The following TTC17 variants were observed in gnomAD, a reference collection of about 807,000 sequenced individuals.
TTC17 encodes the protein tetratricopeptide repeat protein 17.
TTC17 carries 58 observed loss-of-function variants against 143.8 expected under a neutral mutation model. The observed-to-expected ratio is 0.40, with a 90% CI of 0.33 to 0.50. TTC17 has a LOEUF of 0.50. Among genes scored for constraint, TTC17 ranks in the 20% least tolerant of loss-of-function variants. The probability of loss-of-function intolerance (pLI) is 0.49; values close to 1 mark genes in which losing one functional copy is unlikely to be tolerated. For missense variants in TTC17, 1,273 were observed against 1,392.5 expected (o/e 0.91, Z 1.37); for synonymous variants, 501 against 497.8 (o/e 1.01, Z -0.09).
At chr11:43,362,462 T>A (rs1159160903) in intron 1 of TTC17, among the ~76,000 whole-genome samples, 1 of 152,154 alleles carries the variant, frequency 6.6e-6, no homozygotes, top group African/African-American at 2.4e-5. Context: ...GCGTATGTAT[T>A]GGAAATGGTA....
chr11:43,455,161 T>C (rs1425624516), intron 21 of TTC17, among the ~76,000 whole-genome samples: 2 of 151,552 alleles, frequency 1.3e-5, no homozygotes, highest in Non-Finnish European at 3.0e-5. Flanking sequence ...TTTAAACAGC[T>C]GAGTCAAAGA....
intron 1 of TTC17, among the ~76,000 whole-genome samples, chr11:43,377,616 A>G (rs1245352440): frequency 6.6e-6 from 1 of 151,444 alleles, no homozygotes. Context: ...CTGTCAGTGA[A>G]CTCCCTTCCT....
intron 21 of TTC17, among the ~76,000 whole-genome samples, chr11:43,487,823 C>T (rs1948406864): frequency 6.6e-6 from 1 of 152,224 alleles, no homozygotes. Context: ...AGACCTCTCT[C>T]TTCGGCTTGC....
In TTC17 at chr11:43,458,600, G is replaced by A. The variant is rs558205151; in HGVS notation, c.3030+7335G>A. On this transcript the variant is annotated intron_variant, in intron 21 of 23. Transcript: ENST00000039989. ...TCTCATTTGCCTGAGTCTTCCTACT[G>A]GCTCACATTGCTTAAATTCCTCCGA... is the stretch of plus-strand genomic sequence containing the variant. Among the ~76,000 whole-genome samples, 9 of 152,194 alleles carry A rather than the reference G, an allele frequency of 5.9e-5. No homozygotes were observed. The South Asian group carries it at 1.9e-3, about 32-fold the overall frequency.
At chr11:43,484,759 A>T (rs1948350668) in intron 21 of TTC17, among the ~76,000 whole-genome samples, 1 of 152,320 alleles carries the variant, frequency 6.6e-6, no homozygotes, top group East Asian at 1.9e-4. Flanking sequence ...GGAAGGCCAG[A>T]AATAGACTCG....
At chr11:43,413,876 A>G (rs990605392) in intron 15 of TTC17, among the ~76,000 whole-genome samples, 4 of 152,160 alleles carry the variant, frequency 2.6e-5, no homozygotes, top group Non-Finnish European at 5.9e-5. Context: ...ATCCATTTGG[A>G]AGACTATTTG....
intron 1 of TTC17, among the ~76,000 whole-genome samples, chr11:43,375,542 A>G (rs1165985572): frequency 2.0e-4 from 30 of 152,198 alleles, no homozygotes; most frequent in Admixed American, 2.0e-3. Context: ...AAAATTTTAA[A>G]TGAGAATGGC....
rs1947979594 is a variant in TTC17, at chr11:43,466,670, C to T, written c.3030+15405C>T. ...TTATTGTGAAGCATACAGGTCTTGG[C>T]ATCTTGTCCATGGCAAATGCTGCAC... On this transcript the variant is annotated intron_variant, in intron 21 of 23. Transcript: ENST00000039989. The T allele has an allele frequency of 2.2e-5, 8 of 363,040 alleles. No individual in the cohort carries two copies. The Admixed American group carries it at 2.3e-4, about 11-fold the overall frequency. 22.5% of individuals were successfully genotyped at this position (363,040 alleles called of 1,614,324 possible).
intron 1 of TTC17, among the ~76,000 whole-genome samples, chr11:43,359,588 C>G (rs1417906689): frequency 1.3e-5 from 2 of 152,186 alleles, no homozygotes; most frequent in South Asian, 4.1e-4. Flanking sequence ...TGCTGCTCCC[C>G]TAGTCTCGTC....
chr11:43,443,688 C>T, intron 17 of TTC17, 104 bp downstream of exon 17: 1 of 1,404,396 alleles, frequency 7.1e-7, no homozygotes, highest in Admixed American at 2.3e-5. Flanking sequence ...CACTACTTGG[C>T]TATGCACTCC....
rs548397225 is a variant in TTC17 at position 43,466,115 on chromosome 11, A to G, written c.3030+14850A>G. ...AATAACCCAATTAAAAAATATACAA[A>G]GGACTTGAATGGTCATTTCTCCAAA... is the stretch of plus-strand genomic sequence containing the variant. On this transcript the variant is annotated intron_variant, in intron 21 of 23. Transcript: ENST00000039989. Among the ~76,000 whole-genome samples the G allele has an allele frequency of 3.3e-5, 5 of 152,352 alleles. No homozygotes were observed. The South Asian group carries it at 1.0e-3, about 32-fold the overall frequency.
At chr11:43,424,227 G>T (rs576249982) in intron 16 of TTC17, among the ~76,000 whole-genome samples, 30 of 151,942 alleles carry the variant, frequency 2.0e-4, no homozygotes, top group African/African-American at 7.2e-4. Flanking sequence ...CCAGTAGCTG[G>T]AAATACAGGT....
At chr11:43,360,216 T>G (rs1304142235) in intron 1 of TTC17, among the ~76,000 whole-genome samples, 1 of 152,240 alleles carries the variant, frequency 6.6e-6, no homozygotes, top group African/African-American at 2.4e-5. Context: ...CTATCTCAAG[T>G]AAGTTAAGTA....
chr11:43,444,093 G>A lies in TTC17; in HGVS notation c.2549G>A (p.Gly850Glu). The stretch of plus-strand genomic sequence containing the variant: ...GTCAAACGTGTAAAGAAACCCAAAG[G>A]AGATCATAAGAAAACTCCTGGGAAA... ...FQVKRVKKPK[G>E]DHKKTPGKKV... The change falls in exon 18 of 24, where the codon GGA becomes GAA. Residue 850 changes from glycine to glutamate, a missense_variant. This residue lies in a region of TTC17 where 878 missense variants were observed against 899.8 expected (regional missense o/e 0.98). Coordinates refer to ENST00000039989, the MANE Select transcript of TTC17 (RefSeq NM_018259.6). The A allele has an allele frequency of 1.2e-6, 2 of 1,612,974 alleles. No individual in the cohort carries two copies. Among genetic ancestry groups the A allele is most frequent in the Non-Finnish European group, 8.5e-7 (1 of 1,179,566 alleles).
At position 43,364,407 on chromosome 11, in the gene TTC17, T is replaced by C. The variant is rs144283681; in HGVS notation, c.159+5294T>C. Among the ~76,000 whole-genome samples the C allele has an allele frequency of 3.2e-4, 49 of 152,330 alleles. No individual in the cohort carries two copies. In the Middle Eastern group the frequency reaches 0.01, roughly 32 times the overall value. On this transcript the variant is annotated intron_variant, in intron 1 of 23. Transcript: ENST00000039989. ...GGTTTAATTTTGGTCTGATGTTAAGTAATTTGGTTAATCTGGGAGAGAGCA... is the reference window on the plus strand; with the variant it reads ...GGTTTAATTTTGGTCTGATGTTAAGCAATTTGGTTAATCTGGGAGAGAGCA...
At chr11:43,413,124 A>G (rs1234369417) in intron 15 of TTC17, among the ~76,000 whole-genome samples, 1 of 152,128 alleles carries the variant, frequency 6.6e-6, no homozygotes, top group Non-Finnish European at 1.5e-5. Flanking sequence ...TATTGGTACA[A>G]AGATACTCAA....
intron 2 of TTC17, among the ~76,000 whole-genome samples, chr11:43,384,175 A>G (rs564797835): frequency 3.3e-5 from 5 of 152,200 alleles, no homozygotes; most frequent in African/African-American, 1.2e-4. Context: ...ATAGTTACCA[A>G]ACTTACAAAT....
At chr11:43,404,749 T>C (rs964613068) in intron 11 of TTC17, among the ~76,000 whole-genome samples, 1 of 152,122 alleles carries the variant, frequency 6.6e-6, no homozygotes, top group African/African-American at 2.4e-5. Context: ...GATTTAATTA[T>C]ATTTAATATA....
At chr11:43,399,751 A>T (rs1857767708) in intron 8 of TTC17, 137 bp from the exon 9 acceptor site, 4 of 801,936 alleles carry the variant, frequency 5.0e-6, no homozygotes, top group Non-Finnish European at 7.6e-6. Context: ...TGAACTGGTG[A>T]TACAGGGTTG....
Sources: allele counts gnomAD v4.1 joint callset (sites outside exome capture counted in the v4.1 genomes callset), GRCh38; gene constraint gnomAD v4.1.1; regional missense constraint gnomAD v4.1.1; transcripts MANE v1.5; gene names NCBI Gene and HGNC (gene_info 2026-07-23, HGNC 2026-07-21).